Variants in SRA1 observed in about 807,000 individuals in gnomAD.
SRA1 encodes steroid receptor RNA activator 1, also known as lncRNA SRA.
SRA1 carries 25 observed loss-of-function variants against 24.3 expected under a neutral mutation model. The observed-to-expected ratio is 1.03, with a 90% CI of 0.75 to 1.43. SRA1 has a LOEUF of 1.43. SRA1 is among the 40% of genes most tolerant of loss of function. The probability of loss-of-function intolerance (pLI) is 0.00; values close to 1 mark genes in which losing one functional copy is unlikely to be tolerated. For missense variants in SRA1, 303 were observed against 286.6 expected (o/e 1.06, Z -0.41); for synonymous variants, 104 against 109.5 (o/e 0.95, Z 0.31).
At chr5:140,551,834 G>A (rs1332893893) in intron 3 of SRA1, 148 bp downstream of exon 3, 2 of 628,884 alleles carry the variant, frequency 3.2e-6, no homozygotes, top group African/African-American at 3.7e-5. Context: ...CATTTCTTTG[G>A]GAAGGCCTTA....
At chr5:140,557,068 A>T in intron 2 of SRA1, 79 bp downstream of exon 2, 1 of 1,345,888 alleles carries the variant, frequency 7.4e-7, no homozygotes, top group Non-Finnish European at 1.0e-6. Context: ...GAGAGAAAAA[A>T]GCCTTCCAAA....
intron 3 of SRA1, 43 bp downstream of exon 3, chr5:140,551,939 G>A (rs1754570966): frequency 6.4e-7 from 1 of 1,567,926 alleles, no homozygotes. Flanking sequence ...GCATTTGGCT[G>A]TGGATGGGAG....
chr5:140,553,305 C>T (rs888395618), intron 2 of SRA1, among the ~76,000 whole-genome samples: 21 of 143,060 alleles, frequency 1.5e-4, no homozygotes, highest in Non-Finnish European at 2.4e-4. Context: ...CTAAGACCCT[C>T]TTAAAAAAAA....
chr5:140,551,893 A>T (rs759704967), intron 3 of SRA1, 89 bp downstream of exon 3: 2 of 1,205,212 alleles, frequency 1.7e-6, no homozygotes, highest in Non-Finnish European at 2.4e-6. Context: ...GAACCTGTCC[A>T]CTGGGTCAGA....
intron 2 of SRA1, among the ~76,000 whole-genome samples, chr5:140,554,461 C>T (rs924462799): frequency 2.3e-4 from 35 of 152,204 alleles, no homozygotes; most frequent in African/African-American, 8.4e-4. Flanking sequence ...TTCCTCCTAA[C>T]CCACCTGCAT....
Position 140,551,072 on chromosome 5 carries a change from A to G in SRA1, c.452T>C (p.Leu151Pro), listed in dbSNP as rs758851778. The stretch of plus-strand genomic sequence containing the variant: ...GAACCCACCCATACCTTGCACCAGT[A>G]GAGCCATTCTCTTCTTTACAGGTAT... ...LSIPVKKRMALLVQELSSHRW... is the reference protein window; with the variant it reads ...LSIPVKKRMAPLVQELSSHRW... Residue 151 changes from leucine (L) to proline (P), a missense_variant, in exon 4 of 5, where the codon CTA (leucine) becomes CCA (proline). Transcript: ENST00000336283. 1.2e-6 allele frequency: 2 copies of G among 1,613,840 alleles called. No homozygotes were observed. Among genetic ancestry groups the G allele is most frequent in the African/African-American group, 1.3e-5 (1 of 75,058 alleles).
upstream of SRA1, chr5:140,557,549 G>A: frequency 7.0e-7 from 1 of 1,424,214 alleles, no homozygotes; most frequent in Non-Finnish European, 9.4e-7. Flanking sequence ...CGGGTTGCCG[G>A]AATCCGTGGA....
chr5:140,557,182 T>C lies in SRA1; in HGVS notation c.116A>G (p.Lys39Arg), dbSNP rs780964135. The change falls in exon 2 of 5, where the codon AAG (lysine) becomes AGG (arginine). Residue 39 changes from lysine (K) to arginine (R), a missense_variant. Transcript: ENST00000336283. ...AGGPRRSLLT[K>R]RVAAPQDGSP... ...TCCATCCTGGGGTGCGGCGACCCTC[T>C]TGGTAAGCAGCGAGCGCCTGGGTCC... 5 of 1,589,262 alleles carry C rather than the reference T, an allele frequency of 3.1e-6. No homozygotes were observed. The highest frequency in any genetic ancestry group is 1.4e-5 in the African/African-American group (1 of 73,582).
rs766719371 is a variant in SRA1 at position 140,552,002 on chromosome 5, C to A, written c.334G>T (p.Asp112Tyr). ...CTTACCCTTGTGTGGCCACGGCAGTCTTCCAATGCCTGTTCCAAAGGTCTC... is the reference window on the plus strand; with the variant it reads ...CTTACCCTTGTGTGGCCACGGCAGTATTCCAATGCCTGTTCCAAAGGTCTC... Reference protein sequence around the residue: ...VLRPLEQALEDCRGHTRKQVC... With the variant: ...VLRPLEQALEYCRGHTRKQVC... Residue 112 changes from aspartate (D) to tyrosine (Y), a missense_variant, in exon 3 of 5, where the codon GAC (aspartate) becomes TAC (tyrosine). By Grantham distance (160) the Asp-to-Tyr change is radical. Transcript: ENST00000336283. The A allele has an allele frequency of 1.2e-6, 2 of 1,613,864 alleles. No homozygotes were observed. The highest frequency in any genetic ancestry group is 1.7e-6 in the Non-Finnish European group (2 of 1,179,936).
rs1296997550 is a variant in SRA1, at chr5:140,550,567, C to T, written c.*133G>A. The T allele has an allele frequency of 1.3e-6, 1 of 775,542 alleles. No homozygotes were observed. Among genetic ancestry groups the T allele is most frequent in the African/African-American group, 1.7e-5 (1 of 57,606 alleles). The allele number at this position is 775,542 out of a possible 1,614,324, so 48.0% of individuals were successfully genotyped here. A position where few individuals can be genotyped will look rare whatever the true frequency, so the allele number is the denominator to read the frequency against. On this transcript the variant is annotated 3_prime_UTR_variant, in exon 5 of 5. Transcript: ENST00000336283. ...AGTAACACATGAACTCCCTCTGGCC[C>T]AGGTGGGACTTCTTCCCTCATAGGT...
intron 2 of SRA1, among the ~76,000 whole-genome samples, chr5:140,553,308 A>T (rs1269369618): frequency 3.0e-5 from 4 of 132,282 alleles, no homozygotes; most frequent in African/African-American, 6.0e-5. Flanking sequence ...AGACCCTCTT[A>T]AAAAAAAAAA....
chr5:140,557,699 G>A (rs1034075223), upstream of SRA1: 4 of 572,932 alleles, frequency 7.0e-6, no homozygotes, highest in Non-Finnish European at 1.2e-5. Flanking sequence ...AGGAGCCAGT[G>A]CTCTAGGAGG....
chr5:140,554,629 C>T (rs531037015), intron 2 of SRA1, among the ~76,000 whole-genome samples: 1 of 152,356 alleles, frequency 6.6e-6, no homozygotes, highest in African/African-American at 2.4e-5. Flanking sequence ...CCCCTCTCTA[C>T]TGAATCATCC....
intron 2 of SRA1, among the ~76,000 whole-genome samples, chr5:140,554,085 T>C (rs2127119310): frequency 6.6e-6 from 1 of 152,298 alleles, no homozygotes; most frequent in Non-Finnish European, 1.5e-5. Flanking sequence ...CCCTGCCTTG[T>C]TCACACTATC....
Position 140,557,142 on chromosome 5 carries a change from C to T in SRA1, c.151+5G>A. 2.5e-6 allele frequency: 4 copies of T among 1,588,022 alleles called. No homozygotes were observed. The highest frequency in any genetic ancestry group is 3.4e-6 in the Non-Finnish European group (4 of 1,166,364). ...TCTGTCTCCGAGCACAGGGGCCCCA[C>T]GCACCTCTGGGGGATCCATCCTGGG... On this transcript the variant is annotated splice_donor_5th_base_variant and intron_variant, in intron 2 of 4. Coordinates refer to ENST00000336283, the MANE Select transcript of SRA1 (RefSeq NM_001035235.4).
chr5:140,552,894 C>T (rs888364463), intron 2 of SRA1, among the ~76,000 whole-genome samples: 3 of 152,138 alleles, frequency 2.0e-5, no homozygotes, highest in African/African-American at 7.2e-5. Context: ...AGATTAAGTT[C>T]CTGACCTCAG....
In SRA1 at chr5:140,557,095, A is replaced by AC. The variant is rs58321242; in HGVS notation, c.151+51dup. Reference sequence around the variant, plus strand: ...CCTTCCAAACAGGCTTATGCCTTACACCCCCCCCCCCCCATTCTCCGTCTG... The same window carrying AC: ...CCTTCCAAACAGGCTTATGCCTTACACCCCCCCCCCCCCCATTCTCCGTCTG... On this transcript the variant is annotated intron_variant, in intron 2 of 4. Transcript: ENST00000336283. 1.5e-3 allele frequency: 1,251 copies of AC among 838,242 alleles called. 19 individuals are homozygous for AC. The highest frequency in any genetic ancestry group is 4.5e-3 in the Admixed American group (183 of 40,542). 51.9% of individuals were successfully genotyped at this position (838,242 alleles called of 1,614,324 possible).
At chr5:140,551,608 T>G in intron 3 of SRA1, 1 of 210,214 alleles carries the variant, frequency 4.8e-6, no homozygotes, top group Non-Finnish European at 9.5e-6. Flanking sequence ...TTCTAAGAAC[T>G]AAGAAAACAC....
At position 140,554,588 on chromosome 5, in the gene SRA1, C is replaced by CTA. The variant is rs894723074; in HGVS notation, c.152-2405_152-2404insTA. 3.3e-3 allele frequency among the ~76,000 whole-genome samples: 479 copies of CTA among 143,828 alleles called. 1 individual carries two copies. The highest frequency in any genetic ancestry group is 0.011 in the African/African-American group (456 of 40,990). The allele number at this position is 143,828 out of a possible 152,430, so 94.4% of individuals were successfully genotyped here. Reference sequence around the variant, plus strand: ...CTCTTGTCTTCTCTAGACTTCCCTACTGTAACTATCTTCTCTTGCATCATC... The same window carrying CTA: ...CTCTTGTCTTCTCTAGACTTCCCTACTATGTAACTATCTTCTCTTGCATCATC... On this transcript the variant is annotated intron_variant, in intron 2 of 4. Transcript: ENST00000336283.
Sources: allele counts gnomAD v4.1 joint callset (sites outside exome capture counted in the v4.1 genomes callset), GRCh38; gene constraint gnomAD v4.1.1; transcripts MANE v1.5; gene names NCBI Gene and HGNC (gene_info 2026-07-23, HGNC 2026-07-21).